The following WNK1 variants were observed in gnomAD, a reference collection of about 807,000 sequenced individuals.
WNK1 encodes WNK lysine deficient protein kinase 1.
WNK1 carries 38 observed loss-of-function variants against 222.8 expected under a neutral mutation model. The observed-to-expected ratio is 0.17, with a 90% CI of 0.13 to 0.22. WNK1 has a LOEUF of 0.22. Ranked by LOEUF, WNK1 falls within the 10% of genes least tolerant of loss-of-function variation. WNK1 has a pLI of 1.00. For synonymous variants in WNK1, 1,090 were observed against 1,092.9 expected (o/e 1.00, Z 0.05); for missense variants, 2,348 against 2,918.4 (o/e 0.80, Z 4.50).
chr12:865,195 A>AC lies in WNK1; in HGVS notation c.2139+2929dup, dbSNP rs1307515994. On this transcript the variant is annotated intron_variant, in intron 8 of 27. Transcript: ENST00000315939. ...CCCGCATCTCTCCCAGTGCTCTTCC[A>AC]CCCCACCGCCAGTACTGTCTGCACC... 14 of 1,534,398 alleles carry AC rather than the reference A, an allele frequency of 9.1e-6. No homozygotes were observed. Among genetic ancestry groups the AC allele is most frequent in the African/African-American group, 8.3e-5 (6 of 72,546 alleles).
intron 9 of WNK1, among the ~76,000 whole-genome samples, chr12:874,915 C>G (rs1373290255): frequency 6.6e-6 from 1 of 152,008 alleles, no homozygotes; most frequent in African/African-American, 2.4e-5. Flanking sequence ...ATTAACATCT[C>G]TCCCAAGCAG....
chr12:823,762 A>G (rs773520147), intron 2 of WNK1, among the ~76,000 whole-genome samples: 1 of 152,306 alleles, frequency 6.6e-6, no homozygotes, highest in East Asian at 1.9e-4. Context: ...TTTAGTAAAT[A>G]TCTTAGTACT....
At chr12:815,472 A>G (rs1388904802) in intron 2 of WNK1, among the ~76,000 whole-genome samples, 1 of 152,224 alleles carries the variant, frequency 6.6e-6, no homozygotes, top group Admixed American at 6.5e-5. Flanking sequence ...GCAAATTCTA[A>G]TTTCTTTATC....
chr12:895,191 G>A (rs1954631910), intron 23 of WNK1, among the ~76,000 whole-genome samples: 1 of 152,144 alleles, frequency 6.6e-6, no homozygotes, highest in African/African-American at 2.4e-5. Flanking sequence ...TTTCTGGCTG[G>A]GGAGAGTAGG....
chr12:872,780 A>T (rs1277521448), intron 9 of WNK1, among the ~76,000 whole-genome samples: 1 of 152,172 alleles, frequency 6.6e-6, no homozygotes, highest in Non-Finnish European at 1.5e-5. Flanking sequence ...TCGGTTCTTA[A>T]TTACAAATGG....
chr12:844,380 C>T (rs1352509401), intron 4 of WNK1, among the ~76,000 whole-genome samples: 1 of 152,162 alleles, frequency 6.6e-6, no homozygotes, highest in African/African-American at 2.4e-5. Flanking sequence ...TAGCAATCCA[C>T]CAGCCCCGGC....
In WNK1 at chr12:752,611, C is replaced by T. The variant is rs1453901419; in HGVS notation, c.-955C>T. On this transcript the variant is annotated 5_prime_UTR_variant, in exon 1 of 28. Coordinates refer to ENST00000315939, the MANE Select transcript of WNK1 (RefSeq NM_018979.4). ...CGGCGCCATTTAGCGCGGAGAGTTT[C>T]CCGGGTGGACGCGGCTCCTCTCTCG... 1.3e-5 allele frequency: 2 copies of T among 152,234 alleles called. No individual in the cohort carries two copies. The highest frequency in any genetic ancestry group is 2.9e-5 in the Non-Finnish European group (2 of 68,118). The allele number at this position is 152,234 out of a possible 1,614,324, so 9.4% of individuals were successfully genotyped here.
chr12:890,024 C>T (rs1044065617), intron 21 of WNK1, among the ~76,000 whole-genome samples: 8 of 144,948 alleles, frequency 5.5e-5, no homozygotes, highest in African/African-American at 2.1e-4. Flanking sequence ...ACGATCTTGG[C>T]TCACTGCAAC....
Position 755,721 on chromosome 12 carries a change from A to C in WNK1, c.759+1397A>C, listed in dbSNP as rs186644096. On this transcript the variant is annotated intron_variant, in intron 1 of 27. Coordinates refer to ENST00000315939, the MANE Select transcript of WNK1 (RefSeq NM_018979.4). Reference sequence around the variant, plus strand: ...GCCAGGCACGGTGGCTCACGCCTGTAATCCCAGCACTTTGGGAGGCCAAGG... The same window carrying C: ...GCCAGGCACGGTGGCTCACGCCTGTCATCCCAGCACTTTGGGAGGCCAAGG... Among the ~76,000 whole-genome samples, 655 of 152,284 alleles carry C rather than the reference A, an allele frequency of 4.3e-3. 5 individuals carry two copies. Among genetic ancestry groups the C allele is most frequent in the African/African-American group, 0.015 (616 of 41,550 alleles).
At chr12:852,217 G>T (rs1266199041) in intron 4 of WNK1, among the ~76,000 whole-genome samples, 1 of 152,112 alleles carries the variant, frequency 6.6e-6, no homozygotes, top group Non-Finnish European at 1.5e-5. Context: ...ATGTGCATAT[G>T]TTTTTGTGGG....
At chr12:799,618 G>A (rs1007839421) in intron 1 of WNK1, among the ~76,000 whole-genome samples, 1 of 152,186 alleles carries the variant, frequency 6.6e-6, no homozygotes, top group Admixed American at 6.5e-5. Context: ...GAAACAGGAG[G>A]ATAGCTTGAG....
intron 1 of WNK1, among the ~76,000 whole-genome samples, chr12:801,861 T>C (rs896728630): frequency 6.6e-6 from 1 of 152,206 alleles, no homozygotes; most frequent in African/African-American, 2.4e-5. Flanking sequence ...GAAATACTTA[T>C]ACATTTCAAT....
chr12:777,817 T>C (rs937299206), intron 1 of WNK1, among the ~76,000 whole-genome samples: 4 of 152,194 alleles, frequency 2.6e-5, no homozygotes, highest in Admixed American at 1.3e-4. Context: ...CAGGAAACTT[T>C]ACAGTGTTTG....
intron 1 of WNK1, among the ~76,000 whole-genome samples, chr12:773,083 A>G (rs1261912081): frequency 3.3e-5 from 5 of 152,042 alleles, no homozygotes; most frequent in Non-Finnish European, 7.4e-5. Flanking sequence ...ACATGGAGAA[A>G]CCCCATCTCT....
chr12:866,498 G>A (rs577583267), intron 8 of WNK1, among the ~76,000 whole-genome samples: 76 of 152,196 alleles, frequency 5.0e-4, no homozygotes, highest in Non-Finnish European at 6.6e-4. Context: ...GAGTAGCTAG[G>A]ACTACAGGCG....
At chr12:781,132 A>G (rs1449521930) in intron 1 of WNK1, 1 of 155,406 alleles carries the variant, frequency 6.4e-6, no homozygotes, top group Non-Finnish European at 1.4e-5. Flanking sequence ...AAAAACTGCT[A>G]ACCATCTTTT....
At chr12:842,923 TTTTA>T (rs552343199) in intron 4 of WNK1, among the ~76,000 whole-genome samples, 1 of 151,740 alleles carries the variant, frequency 6.6e-6, no homozygotes, top group Non-Finnish European at 1.5e-5. Flanking sequence ...ACTCAAGTGA[TTTTA>T]TTTATTTATT....
At position 753,856 on chromosome 12, in the gene WNK1, C is replaced by G; in HGVS notation, c.291C>G (p.Gly97=). The G allele has an allele frequency of 6.2e-7, 1 of 1,612,610 alleles. No individual in the cohort carries two copies. The highest frequency in any genetic ancestry group is 1.1e-5 in the South Asian group (1 of 91,090). ...ATGCCACTGCACTGGAGCTTCCCGG[C>G]CTTCCTCTTTCCCTGCCCCAGCCCA... ...DSNATALELP[G]LPLSLPQPSI... The change falls in exon 1 of 28, where the codon GGC becomes GGG. Residue 97 remains glycine (G), a synonymous_variant. Coordinates refer to ENST00000315939, the MANE Select transcript of WNK1 (RefSeq NM_018979.4). This position sits in a 1 kb window ranked among gnomAD's most constrained non-coding sequence, Gnocchi z 5.2.
chr12:905,554 CT>C (rs1205461886), intron 26 of WNK1, among the ~76,000 whole-genome samples: 1 of 149,632 alleles, frequency 6.7e-6, no homozygotes, highest in Non-Finnish European at 1.5e-5. Flanking sequence ...CTCTGCTCCC[CT>C]GTGATTATTT....
Sources: allele counts gnomAD v4.1 joint callset (sites outside exome capture counted in the v4.1 genomes callset), GRCh38; gene constraint gnomAD v4.1.1; non-coding constraint Gnocchi (gnomAD v3.1); transcripts MANE v1.5; gene names NCBI Gene and HGNC (gene_info 2026-07-23, HGNC 2026-07-21).